NDEL1: variants seen among roughly 807,000 people sequenced by gnomAD.
NDEL1 encodes the protein nuclear distribution protein nudE-like 1.
A neutral mutation model predicts 45.7 loss-of-function variants in NDEL1; 9 were observed. The observed-to-expected ratio is 0.20, with a 90% confidence interval of 0.12 to 0.34. The LOEUF is 0.34. Ranked by LOEUF, NDEL1 falls within the 10% of genes least tolerant of loss-of-function variation. NDEL1 has a pLI of 1.00. For synonymous variants in NDEL1, 133 were observed against 158.6 expected, an observed-to-expected ratio of 0.84 and a Z score of 1.21; for missense variants, 306 against 406.2, an observed-to-expected ratio of 0.75 and a Z score of 2.12.
chr17:8,423,250 C>T (rs997446014), intron 1 of NDEL1, among the ~76,000 whole-genome samples: 2 of 152,158 alleles, frequency 1.3e-5, no homozygotes, highest in East Asian at 3.9e-4. Flanking sequence ...AGATTAGTGA[C>T]AGTTGACATC....
chr17:8,470,905 G>A (rs944233572), downstream of NDEL1, among the ~76,000 whole-genome samples: 3 of 152,272 alleles, frequency 2.0e-5, no homozygotes, highest in South Asian at 2.1e-4. This position sits in a 1 kb window ranked among gnomAD's most constrained non-coding sequence, Gnocchi z 4.2. Context: ...CAGCTGCCCC[G>A]GAGATGCCAC....
upstream of NDEL1, among the ~76,000 whole-genome samples, chr17:8,433,513 A>C (rs527358158): frequency 1.9e-3 from 282 of 152,044 alleles, 1 homozygote; most frequent in African/African-American, 6.5e-3. Context: ...CCATTTTTCC[A>C]CCCAGGCTTC....
chr17:8,429,420 T>C (rs1370685337), intron 1 of NDEL1, among the ~76,000 whole-genome samples: 1 of 152,232 alleles, frequency 6.6e-6, no homozygotes, highest in African/African-American at 2.4e-5. Context: ...CCATGTTTAA[T>C]AAGTCTCTTG....
intron 1 of NDEL1, among the ~76,000 whole-genome samples, chr17:8,442,854 A>G (rs1374138561): frequency 7.0e-6 from 1 of 142,672 alleles, no homozygotes; most frequent in Non-Finnish European, 1.5e-5. Flanking sequence ...CAGTGGCGCA[A>G]TCTTGGCTCA....
intron 3 of NDEL1, chr17:8,474,152 C>T (rs1030593334): frequency 6.6e-6 from 1 of 152,636 alleles, no homozygotes; most frequent in Admixed American, 6.5e-5. Flanking sequence ...GTAGCACCCA[C>T]CCTCCAGTCA....
intron 1 of NDEL1, among the ~76,000 whole-genome samples, chr17:8,442,909 A>G (rs1026167833): frequency 1.1e-4 from 17 of 150,532 alleles, no homozygotes; most frequent in Admixed American, 6.0e-4. Context: ...CCTCCCGAGT[A>G]GGTGGGACTA....
chr17:8,442,829 C>G (rs1288274740), intron 1 of NDEL1, among the ~76,000 whole-genome samples: 2 of 143,208 alleles, frequency 1.4e-5, no homozygotes, highest in African/African-American at 5.2e-5. Flanking sequence ...TCGCTCTGTC[C>G]CCCAGGCTGG....
intron 2 of NDEL1, 70 bp from the exon 3 acceptor site, chr17:8,445,641 T>C: frequency 1.3e-6 from 2 of 1,503,758 alleles, no homozygotes; most frequent in Non-Finnish European, 1.8e-6. Context: ...CGAATTGCTC[T>C]ATAATCACCT....
rs1911534582 is a variant in NDEL1, at chr17:8,465,658, C to G, written c.945-1272C>G. On this transcript the variant is annotated intron_variant, in intron 8 of 8. Transcript: ENST00000334527. The surrounding 1 kb of genome is among the most constrained non-coding windows in gnomAD (Gnocchi z 4.9). Reference sequence around the variant, plus strand: ...GGCATTTTTTTTTTTTAAGGAGAACCTCTCTCCATGAGTCTGTATTTAGCT... The same window carrying G: ...GGCATTTTTTTTTTTTAAGGAGAACGTCTCTCCATGAGTCTGTATTTAGCT... The G allele has an allele frequency of 6.6e-6, 1 of 151,918 alleles. No individual in the cohort carries two copies. The highest frequency in any genetic ancestry group is 1.5e-5 in the Non-Finnish European group (1 of 68,026). 9.4% of individuals were successfully genotyped at this position (151,918 alleles called of 1,614,324 possible).
At chr17:8,473,706 G>A (rs933366377) in intron 3 of NDEL1, among the ~76,000 whole-genome samples, 2 of 152,196 alleles carry the variant, frequency 1.3e-5, no homozygotes, top group African/African-American at 4.8e-5. Context: ...CCCAGAACCA[G>A]TCTAACCGGA....
intron 5 of NDEL1, among the ~76,000 whole-genome samples, chr17:8,450,010 T>G (rs941760859): frequency 6.6e-6 from 1 of 152,182 alleles, no homozygotes; most frequent in Non-Finnish European, 1.5e-5. Context: ...TGGCTGGGTG[T>G]GGCGGCTCAC....
At chr17:8,461,744 A>G (rs754132774) in intron 8 of NDEL1, among the ~76,000 whole-genome samples, 3 of 152,178 alleles carry the variant, frequency 2.0e-5, no homozygotes, top group Non-Finnish European at 2.9e-5. Context: ...GGTAGTCTTC[A>G]TAAATGTTGG....
In NDEL1 at chr17:8,467,510, G is replaced by C; in HGVS notation, c.*487G>C. On this transcript the variant is annotated 3_prime_UTR_variant, in exon 9 of 9. Transcript: ENST00000334527. This position sits in a 1 kb window ranked among gnomAD's most constrained non-coding sequence, Gnocchi z 6.3. ...CCCCAACTCCACCCCTCACAGTTTG[G>C]GCCTGTTTCTGGCAAAGAGTCAGGA... 1 of 338,072 alleles carries C rather than the reference G, an allele frequency of 3.0e-6. No individual in the cohort carries two copies. The highest frequency in any genetic ancestry group is 5.3e-6 in the Non-Finnish European group (1 of 187,670). The allele number at this position is 338,072 out of a possible 1,614,324, so 20.9% of individuals were successfully genotyped here.
upstream of NDEL1, among the ~76,000 whole-genome samples, chr17:8,433,811 T>G (rs1909077405): frequency 6.6e-6 from 1 of 152,116 alleles, no homozygotes; most frequent in Non-Finnish European, 1.5e-5. Context: ...CCACCATGCT[T>G]GGCCCTGTGC....
chr17:8,444,271 C>A lies in NDEL1; in HGVS notation c.-1C>A. 6.2e-7 allele frequency: 1 copy of A among 1,604,766 alleles called. No individual in the cohort carries two copies. The highest frequency in any genetic ancestry group is 8.5e-7 in the Non-Finnish European group (1 of 1,172,598). The stretch of plus-strand genomic sequence containing the variant: ...TTAATATTTCACAGGCTTTCTTGAT[C>A]ATGGATGGTGAAGATATACCAGATT... On this transcript the variant is annotated 5_prime_UTR_variant, in exon 2 of 9. Coordinates refer to ENST00000334527, the MANE Select transcript of NDEL1 (RefSeq NM_030808.5).
Position 8,415,091 on chromosome 17 carries a change from CCTTCCTTT to C in NDEL1, c.-13+1829_-13+1836del, listed in dbSNP as rs1003594197. Reference sequence around the variant, plus strand: ...TGAATCCTCTCTCTTTTGGATACCACCTTCCTTTCTTCCTCCCTCCCTCCCTCCCTCCC... The same window carrying C: ...TGAATCCTCTCTCTTTTGGATACCACCTTCCTCCCTCCCTCCCTCCCTCCC... On this transcript the variant is annotated intron_variant, in intron 1 of 4. Transcript: ENST00000582812. 3.6e-5 allele frequency among the ~76,000 whole-genome samples: 5 copies of C among 139,342 alleles called. No individual in the cohort carries two copies. In the East Asian group the frequency reaches 8.4e-4, roughly 23 times the overall value. The allele number at this position is 139,342 out of a possible 152,430, so 91.4% of individuals were successfully genotyped here. A position where few individuals can be genotyped will look rare whatever the true frequency, so the allele number is the denominator to read the frequency against.
Position 8,450,874 on chromosome 17 carries a change from C to T in NDEL1, c.621C>T (p.Asp207=). The change falls in exon 6 of 9, where the codon GAC becomes GAT. Residue 207 remains aspartate (D), a synonymous_variant. Coordinates refer to ENST00000334527, the MANE Select transcript of NDEL1 (RefSeq NM_030808.5). ...SSPTLDCEKM[D]SAVQASLSLP... ...CAACTCTAGACTGTGAAAAGATGGACTCCGCCGTCCAAGCATCACTTTCTT... is the reference window on the plus strand; with the variant it reads ...CAACTCTAGACTGTGAAAAGATGGATTCCGCCGTCCAAGCATCACTTTCTT... 6.2e-7 allele frequency: 1 copy of T among 1,613,636 alleles called. No homozygotes were observed. The highest frequency in any genetic ancestry group is 8.5e-7 in the Non-Finnish European group (1 of 1,179,830).
chr17:8,458,556 G>A (rs1158410904), intron 7 of NDEL1, among the ~76,000 whole-genome samples: 4 of 151,884 alleles, frequency 2.6e-5, no homozygotes, highest in Admixed American at 1.3e-4. Flanking sequence ...TACTGTGTGT[G>A]TGTGTGTGTG....
chr17:8,429,701 C>A (rs566693289), intron 1 of NDEL1, among the ~76,000 whole-genome samples: 1 of 152,156 alleles, frequency 6.6e-6, no homozygotes, highest in East Asian at 1.9e-4. Context: ...AGGATATAGA[C>A]CGTAGAAGTG....
Sources: gnomAD v4.1 joint callset for allele counts (sites outside exome capture counted in the v4.1 genomes callset) on GRCh38, gnomAD v4.1.1 for gene constraint, Gnocchi (gnomAD v3.1) non-coding constraint, MANE v1.5 for transcripts, NCBI Gene and HGNC (gene_info 2026-07-23, HGNC 2026-07-21) for gene names.